Variants in PTPRK observed in about 807,000 individuals in gnomAD.
PTPRK encodes the protein receptor-type tyrosine-protein phosphatase kappa.
In PTPRK, 75 loss-of-function variants were observed where a neutral mutation model predicts 178.0. The ratio of observed to expected loss-of-function variants is 0.42; its 90% CI spans 0.35 to 0.51. The LOEUF is 0.51. PTPRK is among the 20% of genes least tolerant of loss of function. The pLI, the probability that PTPRK is intolerant of heterozygous loss-of-function variation, is 0.02. For synonymous variants in PTPRK, 637 were observed against 620.6 expected (o/e 1.03, Z -0.39); for missense variants, 1,441 against 1,797.8 (o/e 0.80, Z 3.59).
intron 1 of PTPRK, among the ~76,000 whole-genome samples, chr6:128,413,674 AC>A (rs1240027369): frequency 6.6e-6 from 1 of 152,180 alleles, no homozygotes; most frequent in African/African-American, 2.4e-5. Context: ...ATGTAACATA[AC>A]CACTGGAAAT....
At chr6:128,137,016 T>C (rs1487167449) in intron 7 of PTPRK, among the ~76,000 whole-genome samples, 1 of 152,194 alleles carries the variant, frequency 6.6e-6, no homozygotes, top group Non-Finnish European at 1.5e-5. Context: ...CATAAACCAC[T>C]ACCCTAGCCT....
chr6:128,433,119 G>A (rs1437147368), intron 1 of PTPRK, among the ~76,000 whole-genome samples: 1 of 152,078 alleles, frequency 6.6e-6, no homozygotes, highest in Admixed American at 6.6e-5. Flanking sequence ...TTTGTGCTAC[G>A]AAGATTTCAA....
chr6:128,093,596 CAAAAAAAAAAA>C (rs1172145765), intron 7 of PTPRK, among the ~76,000 whole-genome samples: 4 of 6,276 alleles, frequency 6.4e-4, no homozygotes, highest in African/African-American at 2.0e-3. Context: ...GACTCTCTCT[CAAAAAAAAAAA>C]AAAAAAAAAA....
chr6:128,275,716 T>C (rs1415920053), intron 3 of PTPRK, among the ~76,000 whole-genome samples: 1 of 152,038 alleles, frequency 6.6e-6, no homozygotes, highest in Non-Finnish European at 1.5e-5. Flanking sequence ...TAATACTTGT[T>C]TGAATGTTCT....
chr6:128,289,203 T>TA (rs967473611), intron 3 of PTPRK, among the ~76,000 whole-genome samples: 1 of 152,158 alleles, frequency 6.6e-6, no homozygotes, highest in African/African-American at 2.4e-5. Flanking sequence ...AGGTGATTCT[T>TA]AAAGACTCTG....
intron 13 of PTPRK, among the ~76,000 whole-genome samples, chr6:128,016,013 T>C (rs1779556587): frequency 6.6e-6 from 1 of 151,650 alleles, no homozygotes; most frequent in Admixed American, 6.6e-5. Context: ...GAAATATCTC[T>C]ACCTGTTTTT....
chr6:127,981,945 T>A (rs1245907337), intron 24 of PTPRK, among the ~76,000 whole-genome samples: 1 of 151,978 alleles, frequency 6.6e-6, no homozygotes, highest in African/African-American at 2.4e-5. Flanking sequence ...GGTCAAGCAA[T>A]CCTCCCATCT....
In PTPRK at chr6:127,973,747, C is replaced by T; in HGVS notation, c.4050G>A (p.Arg1350=). Residue 1350 remains arginine, a synonymous_variant, in exon 28 of 30, where the codon AGG becomes AGA. Coordinates refer to ENST00000368226, the MANE Select transcript of PTPRK (RefSeq NM_002844.4). ...ASHREVPGSK[R]SFLKLILQVE... is the part of the protein sequence containing the mutation. ...CCTGAAGTATCAGTTTCAAGAATGA[C>T]CTTTTGGATCCAGGCACTTCTCGAT... is the stretch of plus-strand genomic sequence containing the variant. The T allele has an allele frequency of 6.2e-7, 1 of 1,614,008 alleles. No homozygotes were observed. Among genetic ancestry groups the T allele is most frequent in the Non-Finnish European group, 8.5e-7 (1 of 1,179,920 alleles).
At chr6:128,195,086 T>A (rs1305309051) in intron 6 of PTPRK, among the ~76,000 whole-genome samples, 2 of 150,676 alleles carry the variant, frequency 1.3e-5, no homozygotes, top group Non-Finnish European at 2.9e-5. Flanking sequence ...AAAAAAATTA[T>A]TAAAAATATC....
chr6:128,058,065 T>C (rs1230789824), intron 13 of PTPRK, among the ~76,000 whole-genome samples: 1 of 152,234 alleles, frequency 6.6e-6, no homozygotes, highest in Non-Finnish European at 1.5e-5. Flanking sequence ...TTATCCAATC[T>C]ACTACTGGTT....
intron 3 of PTPRK, among the ~76,000 whole-genome samples, chr6:128,288,054 G>T (rs1041975408): frequency 6.6e-6 from 1 of 151,948 alleles, no homozygotes; most frequent in Non-Finnish European, 1.5e-5. Flanking sequence ...TCTACTGGAG[G>T]CTTTCTCATT....
chr6:128,186,758 GT>G (rs1802832806), intron 6 of PTPRK, among the ~76,000 whole-genome samples: 1 of 152,088 alleles, frequency 6.6e-6, no homozygotes, highest in Non-Finnish European at 1.5e-5. Context: ...GTTTTAAAAA[GT>G]TTTTGTAGAG....
intron 3 of PTPRK, among the ~76,000 whole-genome samples, chr6:128,246,305 A>C (rs895931899): frequency 2.0e-5 from 3 of 152,076 alleles, no homozygotes; most frequent in African/African-American, 7.2e-5. Context: ...GAGTTGTTTA[A>C]CTTCTTGTAC....
chr6:128,067,438 C>A, intron 12 of PTPRK, 81 bp downstream of exon 12: 3 of 1,310,636 alleles, frequency 2.3e-6, no homozygotes, highest in Non-Finnish European at 3.0e-6. Context: ...TTTTTCTTGA[C>A]GGATGCTACT....
intron 4 of PTPRK, among the ~76,000 whole-genome samples, chr6:128,240,583 C>A (rs1814234992): frequency 6.6e-6 from 1 of 152,018 alleles, no homozygotes; most frequent in South Asian, 2.1e-4. Flanking sequence ...AGTGACACGG[C>A]CATTGAACTT....
intron 1 of PTPRK, among the ~76,000 whole-genome samples, chr6:128,504,644 A>T (rs1318092074): frequency 6.6e-6 from 1 of 152,134 alleles, no homozygotes; most frequent in Non-Finnish European, 1.5e-5. Flanking sequence ...AACGTTGCCT[A>T]AGGAGTAAGC....
chr6:128,313,603 A>T (rs1285829211), intron 3 of PTPRK, among the ~76,000 whole-genome samples: 1 of 152,174 alleles, frequency 6.6e-6, no homozygotes, highest in African/African-American at 2.4e-5. Context: ...CCTAAAAAAA[A>T]GAATGGTAGA....
intron 20 of PTPRK, 36 bp from the exon 21 acceptor site, chr6:127,990,921 T>A: frequency 2.5e-6 from 3 of 1,208,954 alleles, no homozygotes; most frequent in Non-Finnish European, 3.7e-6. Flanking sequence ...CAGACCTGAA[T>A]ATATAATACT....
At chr6:128,501,570 C>T (rs1855566034) in intron 1 of PTPRK, among the ~76,000 whole-genome samples, 3 of 152,176 alleles carry the variant, frequency 2.0e-5, no homozygotes, top group Admixed American at 6.5e-5. Context: ...ATGTGGAGCA[C>T]AGGAATTTCC....
Sources: allele counts gnomAD v4.1 joint callset (sites outside exome capture counted in the v4.1 genomes callset), GRCh38; gene constraint gnomAD v4.1.1; transcripts MANE v1.5; gene names NCBI Gene and HGNC (gene_info 2026-07-23, HGNC 2026-07-21).